The following ELMOD2 variants were observed in gnomAD, a reference collection of about 807,000 sequenced individuals.
ELMOD2 encodes the protein ELMO domain containing 2.
ELMOD2 carries 28 observed loss-of-function variants against 41.0 expected under a neutral mutation model. That is an observed-to-expected ratio of 0.68 (90% CI 0.51 to 0.94). ELMOD2 has a LOEUF of 0.94. Ranked by LOEUF, ELMOD2 falls within the 40% of genes least tolerant of loss-of-function variation. ELMOD2 has a pLI of 0.00. For synonymous variants in ELMOD2, 106 were observed against 107.2 expected (o/e 0.99, Z 0.07); for missense variants, 333 against 343.1 (o/e 0.97, Z 0.23).
At chr4:140,548,719 C>G (rs1413786026) in intron 8 of ELMOD2, among the ~76,000 whole-genome samples, 1 of 152,154 alleles carries the variant, frequency 6.6e-6, no homozygotes, top group Non-Finnish European at 1.5e-5. Context: ...CAACATAGTA[C>G]TTGCATCCTA....
chr4:140,526,675 T>G (rs1734574074), intron 2 of ELMOD2: 1 of 152,200 alleles, frequency 6.6e-6, no homozygotes, highest in Admixed American at 6.5e-5. Flanking sequence ...TTGATTAAGT[T>G]TAATTACTTT....
At chr4:140,543,821 C>CGTCT (rs1434763769) in intron 8 of ELMOD2, among the ~76,000 whole-genome samples, 1 of 152,062 alleles carries the variant, frequency 6.6e-6, no homozygotes, top group Non-Finnish European at 1.5e-5. Context: ...CACATGTAGA[C>CGTCT]ACATCTAAGA....
At chr4:140,531,389 C>T (rs1486484580) in intron 3 of ELMOD2, among the ~76,000 whole-genome samples, 1 of 152,118 alleles carries the variant, frequency 6.6e-6, no homozygotes, top group African/African-American at 2.4e-5. Flanking sequence ...ATGACTTATT[C>T]GAATTTGAGG....
chr4:140,537,861 T>C (rs1180788504), intron 5 of ELMOD2, among the ~76,000 whole-genome samples: 1 of 151,746 alleles, frequency 6.6e-6, no homozygotes, highest in African/African-American at 2.4e-5. Context: ...CCAAAAAGTA[T>C]ATGTCTACAA....
chr4:140,546,762 G>A (rs1282664094), intron 8 of ELMOD2, among the ~76,000 whole-genome samples: 1 of 152,044 alleles, frequency 6.6e-6, no homozygotes, highest in Non-Finnish European at 1.5e-5. Flanking sequence ...AGGATCTGTG[G>A]GAACTGTTGC....
intron 2 of ELMOD2, among the ~76,000 whole-genome samples, chr4:140,526,437 C>T (rs1241038153): frequency 6.6e-6 from 1 of 152,162 alleles, no homozygotes; most frequent in Non-Finnish European, 1.5e-5. Flanking sequence ...TTTGAAGTCG[C>T]TTCTTTTCAG....
Position 140,536,051 on chromosome 4 carries a change from T to C in ELMOD2, c.269+221T>C, listed in dbSNP as rs574265958. On this transcript the variant is annotated intron_variant, in intron 4 of 8. Coordinates refer to ENST00000323570, the MANE Select transcript of ELMOD2 (RefSeq NM_153702.4). ...GTTTCCAGTCCAGTACTAATGCCAG[T>C]ATATCATCTGCCTTCTTCAAGATGT... is the stretch of plus-strand genomic sequence containing the variant. Among the ~76,000 whole-genome samples, 32 of 152,246 alleles carry C rather than the reference T, an allele frequency of 2.1e-4. 1 individual carries two copies. In the South Asian group the frequency reaches 4.1e-3, roughly 20 times the overall value.
chr4:140,545,806 G>T (rs1735256615), intron 8 of ELMOD2, among the ~76,000 whole-genome samples: 1 of 152,076 alleles, frequency 6.6e-6, no homozygotes, highest in Non-Finnish European at 1.5e-5. Flanking sequence ...ACACCAGTTA[G>T]AATGGCGATC....
At chr4:140,537,257 A>G (rs1414307636) in intron 4 of ELMOD2, among the ~76,000 whole-genome samples, 155 bp from the exon 5 acceptor site, 1 of 152,138 alleles carries the variant, frequency 6.6e-6, no homozygotes, top group African/African-American at 2.4e-5. Context: ...ATAGTACTTT[A>G]CATAATGTTT....
At chr4:140,540,959 C>G (rs986666087) in intron 6 of ELMOD2, among the ~76,000 whole-genome samples, 1 of 152,122 alleles carries the variant, frequency 6.6e-6, no homozygotes, top group Non-Finnish European at 1.5e-5. Flanking sequence ...AATAAAGTCT[C>G]TTTATATATG....
At chr4:140,527,692 G>A in intron 3 of ELMOD2, 198 bp downstream of exon 3, 2 of 522,418 alleles carry the variant, frequency 3.8e-6, no homozygotes, top group South Asian at 5.7e-5. Flanking sequence ...GAAAATACTT[G>A]AATAATTTGT....
intron 2 of ELMOD2, among the ~76,000 whole-genome samples, chr4:140,526,423 G>A (rs1468596962): frequency 1.3e-5 from 2 of 152,302 alleles, no homozygotes; most frequent in East Asian, 3.9e-4. Context: ...AGTAAGAACT[G>A]TGTTTTGAAG....
intron 5 of ELMOD2, 98 bp from the exon 6 acceptor site, chr4:140,540,070 C>A (rs1457623998): frequency 2.2e-6 from 3 of 1,387,430 alleles, no homozygotes; most frequent in African/African-American, 1.5e-5. Context: ...CTTTGCTTAA[C>A]CTATGGTTTT....
At chr4:140,534,112 A>T (rs1453094668) in intron 3 of ELMOD2, among the ~76,000 whole-genome samples, 2 of 152,174 alleles carry the variant, frequency 1.3e-5, no homozygotes, top group African/African-American at 4.8e-5. Context: ...CCAAAAGTAT[A>T]ATAAAGTATG....
chr4:140,550,263 T>G lies in ELMOD2; in HGVS notation c.770T>G (p.Phe257Cys). Residue 257 changes from phenylalanine to cysteine, a missense_variant, in exon 9 of 9, where the codon TTT becomes TGT. Transcript: ENST00000323570. Reference sequence around the variant, plus strand: ...GTCTATGAATTTGACAAGTTTTGGTTTGAAGAAGAACCAGAAAGCATTATG... The same window carrying G: ...GTCTATGAATTTGACAAGTTTTGGTGTGAAGAAGAACCAGAAAGCATTATG... ...YLVYEFDKFW[F>C]EEEPESIMYF... The G allele has an allele frequency of 6.2e-7, 1 of 1,610,922 alleles. No individual in the cohort carries two copies. Among genetic ancestry groups the G allele is most frequent in the Non-Finnish European group, 8.5e-7 (1 of 1,178,498 alleles).
At chr4:140,535,994 G>A (rs1188416676) in intron 4 of ELMOD2, among the ~76,000 whole-genome samples, 164 bp downstream of exon 4, 1 of 152,180 alleles carries the variant, frequency 6.6e-6, no homozygotes, top group African/African-American at 2.4e-5. Context: ...AGAGGGCAGT[G>A]ATAGAATCGG....
At chr4:140,532,113 C>G (rs1023756183) in intron 3 of ELMOD2, among the ~76,000 whole-genome samples, 1 of 150,990 alleles carries the variant, frequency 6.6e-6, no homozygotes, top group African/African-American at 2.4e-5. Flanking sequence ...TAACAGAATG[C>G]TAGCAAATTG....
At chr4:140,534,205 A>G (rs968163427) in intron 3 of ELMOD2, among the ~76,000 whole-genome samples, 6 of 152,214 alleles carry the variant, frequency 3.9e-5, no homozygotes, top group South Asian at 2.1e-4. Flanking sequence ...ATACAACTCA[A>G]CAATTAAAAG....
intron 3 of ELMOD2, 155 bp from the exon 4 acceptor site, chr4:140,535,578 A>G (rs1190388405): frequency 1.6e-6 from 1 of 626,110 alleles, no homozygotes; most frequent in Non-Finnish European, 2.8e-6. Context: ...ATGTGAATTT[A>G]GCCCTAGAGA....
Sources: gnomAD v4.1 joint callset for allele counts (sites outside exome capture counted in the v4.1 genomes callset) on GRCh38, gnomAD v4.1.1 for gene constraint, MANE v1.5 for transcripts, NCBI Gene and HGNC (gene_info 2026-07-23, HGNC 2026-07-21) for gene names.